The following SPATA24 variants were observed in gnomAD, a reference collection of about 807,000 sequenced individuals.
The protein encoded by SPATA24 is spermatogenesis-associated protein 24.
SPATA24 carries 21 observed loss-of-function variants against 28.9 expected under a neutral mutation model. That is an observed-to-expected ratio of 0.73 (90% CI 0.52 to 1.05). The LOEUF (loss-of-function observed/expected upper bound fraction) is 1.05, where lower values mean the gene tolerates loss of function less well. Among genes scored for constraint, SPATA24 ranks in the 50% least tolerant of loss-of-function variants. The pLI is 0.00. For synonymous variants in SPATA24, 76 were observed against 89.9 expected, an observed-to-expected ratio of 0.85 and a Z score of 0.88; for missense variants, 215 against 242.9, an observed-to-expected ratio of 0.88 and a Z score of 0.76.
At chr5:139,394,571 G>C (rs1758660890), downstream of SPATA24, 1 of 1,525,280 alleles carries the variant, frequency 6.6e-7, no homozygotes, top group South Asian at 1.2e-5. Context: ...CGCAGCTCTA[G>C]GTAGGTGGCC....
downstream of SPATA24, chr5:139,395,066 C>A: frequency 7.1e-7 from 1 of 1,408,460 alleles, no homozygotes. Context: ...GCTGGCGGGG[C>A]GAGCGCGGTC....
intron 4 of SPATA24, 146 bp downstream of exon 4, chr5:139,401,609 T>C (rs1238047745): frequency 1.2e-6 from 1 of 858,730 alleles, no homozygotes; most frequent in Non-Finnish European, 1.9e-6. Flanking sequence ...TAAGGCCTTT[T>C]CGAAGGTGTG....
chr5:139,394,172 C>A (rs1411692919), downstream of SPATA24: 1 of 1,546,380 alleles, frequency 6.5e-7, no homozygotes, highest in Admixed American at 2.0e-5. Flanking sequence ...GCCGAATTAT[C>A]TCGTACGCGA....
chr5:139,399,443 A>G (rs191704265), intron 4 of SPATA24, among the ~76,000 whole-genome samples: 2 of 152,186 alleles, frequency 1.3e-5, no homozygotes, highest in East Asian at 3.9e-4. Flanking sequence ...AGCATGGAAA[A>G]GAGGAGACAG....
chr5:139,395,671 AGAGT>A (rs1758690069), downstream of SPATA24: 1 of 152,332 alleles, frequency 6.6e-6, no homozygotes, highest in African/African-American at 2.4e-5. Context: ...CCCCTTCAGT[AGAGT>A]GAGGAGCACC....
downstream of SPATA24, chr5:139,394,941 C>A (rs1237098610): frequency 1.3e-6 from 2 of 1,521,420 alleles, no homozygotes; most frequent in East Asian, 5.3e-5. Flanking sequence ...TCGCGTCCGG[C>A]CCAACGTCCG....
downstream of SPATA24, chr5:139,395,382 C>T: frequency 3.0e-6 from 1 of 336,856 alleles, no homozygotes; most frequent in South Asian, 1.1e-4. Flanking sequence ...GCCTTGGAGC[C>T]AGGAGTTAGG....
rs985097489 is a variant in SPATA24 at position 139,401,462 on chromosome 5, T to C, written c.385+293A>G. On this transcript the variant is annotated intron_variant, in intron 4 of 5. Coordinates refer to ENST00000450845, the MANE Select transcript of SPATA24 (RefSeq NM_194296.2). ...TCTTGTATCAGTTAGGAGTAACCCA[T>C]CAAAAGTGGGAAAACAAAAGGTGGA... 1.6e-5 allele frequency: 10 copies of C among 618,512 alleles called. No homozygotes were observed. In the African/African-American group the frequency reaches 1.8e-4, roughly 11 times the overall value. 38.3% of individuals were successfully genotyped at this position (618,512 alleles called of 1,614,324 possible).
At chr5:139,403,765 G>A (rs1422462788) in intron 1 of SPATA24, among the ~76,000 whole-genome samples, 179 bp downstream of exon 1, 4 of 152,210 alleles carry the variant, frequency 2.6e-5, no homozygotes, top group African/African-American at 9.7e-5. Flanking sequence ...AAAATTCCCT[G>A]GTTCAGGAAG....
downstream of SPATA24, chr5:139,395,141 A>T: frequency 7.3e-7 from 1 of 1,366,682 alleles, no homozygotes; most frequent in Non-Finnish European, 9.5e-7. Flanking sequence ...TGGCGCCGGC[A>T]CTGTCCCCGC....
chr5:139,395,076 C>A, downstream of SPATA24: 1 of 1,404,586 alleles, frequency 7.1e-7, no homozygotes, highest in South Asian at 1.6e-5. Flanking sequence ...CGAGCGCGGT[C>A]AGCATGGTGG....
Position 139,397,028 on chromosome 5 carries a change from C to G in SPATA24, c.488+13G>C. 1 of 1,551,694 alleles carries G rather than the reference C, an allele frequency of 6.4e-7. No individual in the cohort carries two copies. The highest frequency in any genetic ancestry group is 8.7e-7 in the Non-Finnish European group (1 of 1,146,990). On this transcript the variant is annotated intron_variant, in intron 5 of 5. Coordinates refer to ENST00000450845, the MANE Select transcript of SPATA24 (RefSeq NM_194296.2). ...TGTCATCAACAACCCCCAGCCGGGC[C>G]CAGACCCCTCACCTGAAGATCTGTT...
downstream of SPATA24, chr5:139,393,332 C>T (rs183685944): frequency 9.7e-6 from 15 of 1,551,172 alleles, no homozygotes; most frequent in African/African-American, 2.0e-4. Context: ...GGTGCTGCTA[C>T]CTCTGGGGAC....
downstream of SPATA24, chr5:139,396,620 G>C: frequency 6.9e-7 from 1 of 1,455,258 alleles, no homozygotes; most frequent in Non-Finnish European, 9.0e-7. Flanking sequence ...AAAGGAAGCG[G>C]TGGTGCCTAC....
downstream of SPATA24, chr5:139,393,230 G>C: frequency 1.3e-6 from 2 of 1,549,156 alleles, no homozygotes; most frequent in Non-Finnish European, 1.7e-6. Flanking sequence ...ATGGCCATGC[G>C]CGGGCGTCCC....
At chr5:139,392,717 A>AGC, downstream of SPATA24, 2 of 1,378,150 alleles carry the variant, frequency 1.5e-6, no homozygotes, top group Non-Finnish European at 1.9e-6. This position sits in a 1 kb window ranked among gnomAD's most constrained non-coding sequence, Gnocchi z 5.8. Context: ...CCTACGGGGG[A>AGC]GCGCTGGGAT....
chr5:139,401,762 C>G lies in SPATA24; in HGVS notation c.378G>C (p.Lys126Asn). 6.4e-7 allele frequency: 1 copy of G among 1,551,640 alleles called. No homozygotes were observed. Among genetic ancestry groups the G allele is most frequent in the Non-Finnish European group, 8.7e-7 (1 of 1,147,006 alleles). ...ESSKKDQLIT[K>N]CNEIESHIIK... is the part of the protein sequence containing the mutation. ...CACGGGCCTCCCGCCTACCATTGCACTTGGTGATGAGCTGGTCCTTCTTGC... is the reference window on the plus strand; with the variant it reads ...CACGGGCCTCCCGCCTACCATTGCAGTTGGTGATGAGCTGGTCCTTCTTGC... Residue 126 changes from lysine (K) to asparagine (N), a missense_variant, in exon 4 of 6, where the codon AAG becomes AAC. Lys to Asn is a moderately conservative substitution (Grantham distance 94, BLOSUM62 0). Transcript: ENST00000450845.
At chr5:139,401,085 A>C (rs1758812480) in intron 4 of SPATA24, among the ~76,000 whole-genome samples, 1 of 152,048 alleles carries the variant, frequency 6.6e-6, no homozygotes, top group Admixed American at 6.5e-5. Context: ...TGAACCCAGG[A>C]GATGGAGGTT....
At chr5:139,393,476 C>T (rs1162274193), downstream of SPATA24, 9 of 1,551,542 alleles carry the variant, frequency 5.8e-6, no homozygotes, top group Admixed American at 1.8e-4. Context: ...TTCTGAGCTT[C>T]CTGAGTAAAT....
Sources: gnomAD v4.1 joint callset for allele counts (sites outside exome capture counted in the v4.1 genomes callset) on GRCh38, gnomAD v4.1.1 for gene constraint, Gnocchi (gnomAD v3.1) non-coding constraint, MANE v1.5 for transcripts, NCBI Gene and HGNC (gene_info 2026-07-23, HGNC 2026-07-21) for gene names.